Variants in ALK observed in about 807,000 individuals in gnomAD.
ALK encodes the protein ALK tyrosine kinase receptor.
A neutral mutation model predicts 163.1 loss-of-function variants in ALK; 74 were observed. The observed-to-expected ratio is 0.45, with a 90% CI of 0.38 to 0.55. The LOEUF (loss-of-function observed/expected upper bound fraction) is 0.55, where lower values mean the gene tolerates loss of function less well. Ranked by LOEUF, ALK falls within the 20% of genes least tolerant of loss-of-function variation. The pLI is 0.00. For synonymous variants in ALK, 960 were observed against 843.2 expected, an observed-to-expected ratio of 1.14 and a Z score of -2.40; for missense variants, 2,063 against 2,105.3, an observed-to-expected ratio of 0.98 and a Z score of 0.39.
intron 4 of ALK, among the ~76,000 whole-genome samples, chr2:29,490,916 C>A (rs984629332): frequency 6.6e-6 from 1 of 152,104 alleles, no homozygotes; most frequent in African/African-American, 2.4e-5. Context: ...CTATTACTGA[C>A]AAAATCACAC....
intron 3 of ALK, among the ~76,000 whole-genome samples, chr2:29,578,757 C>T (rs1054012908): frequency 3.9e-5 from 6 of 152,216 alleles, no homozygotes; most frequent in East Asian, 1.9e-4. Flanking sequence ...TTCATGTCCA[C>T]GTTTCAGAGT....
chr2:29,916,720 G>C (rs1439556772), intron 1 of ALK, among the ~76,000 whole-genome samples: 1 of 152,170 alleles, frequency 6.6e-6, no homozygotes, highest in Non-Finnish European at 1.5e-5. Context: ...CAGGGAAATA[G>C]GCCTCCTATC....
At chr2:29,744,704 T>A (rs950425106) in intron 1 of ALK, among the ~76,000 whole-genome samples, 2 of 152,226 alleles carry the variant, frequency 1.3e-5, no homozygotes, top group Non-Finnish European at 2.9e-5. Flanking sequence ...GAGCTGATGC[T>A]GACTCTTGGC....
chr2:29,528,442 G>A (rs961807294), intron 4 of ALK, among the ~76,000 whole-genome samples: 2 of 152,214 alleles, frequency 1.3e-5, no homozygotes, highest in Non-Finnish European at 2.9e-5. Flanking sequence ...GGCTGCTTCT[G>A]CTGGATCTGC....
At chr2:29,854,066 C>A (rs998680638) in intron 1 of ALK, among the ~76,000 whole-genome samples, 6 of 151,960 alleles carry the variant, frequency 3.9e-5, no homozygotes, top group African/African-American at 1.2e-4. Flanking sequence ...TGAGCCACCG[C>A]ACCCGGCCGG....
intron 3 of ALK, among the ~76,000 whole-genome samples, chr2:29,588,996 G>A (rs1674970360): frequency 6.6e-6 from 1 of 152,114 alleles, no homozygotes; most frequent in Non-Finnish European, 1.5e-5. Flanking sequence ...TGCATACATT[G>A]GGTATCATCA....
chr2:29,391,156 T>A (rs1669159404), intron 4 of ALK, among the ~76,000 whole-genome samples: 1 of 152,120 alleles, frequency 6.6e-6, no homozygotes. Flanking sequence ...AGATGTTATG[T>A]GGGTGACGGG....
Position 29,228,963 on chromosome 2 carries a change from C to T in ALK, c.2736G>A (p.Lys912=), listed in dbSNP as rs1489025810. Residue 912 remains lysine, a synonymous_variant, in exon 16 of 29, where the codon AAG becomes AAA. Coordinates refer to ENST00000389048, the MANE Select transcript of ALK (RefSeq NM_004304.5). ...GGHSCPQAMK[K]WGWETRGGFG... Reference sequence around the variant, plus strand: ...AACCCCCTCTTGTCTCCCACCCCCACTTCTTCATGGCCTGGGGGCAGGAAT... The same window carrying T: ...AACCCCCTCTTGTCTCCCACCCCCATTTCTTCATGGCCTGGGGGCAGGAAT... The T allele has an allele frequency of 1.2e-6, 2 of 1,601,662 alleles. No homozygotes were observed. The highest frequency in any genetic ancestry group is 3.3e-5 in the Admixed American group (2 of 59,850).
intron 1 of ALK, among the ~76,000 whole-genome samples, chr2:29,889,143 T>G (rs1667067623): frequency 6.6e-6 from 1 of 152,150 alleles, no homozygotes; most frequent in South Asian, 2.1e-4. Context: ...TCTTAAAAAG[T>G]TCTGTCTTTT....
rs150201282 is a variant in ALK at position 29,661,558 on chromosome 2, A to C, written c.952+33292T>G. Reference sequence around the variant, plus strand: ...ATAACATGATTGTTTAGGTCTTAACAGGTGATGTTCTAAGACCTGTCATAT... The same window carrying C: ...ATAACATGATTGTTTAGGTCTTAACCGGTGATGTTCTAAGACCTGTCATAT... On this transcript the variant is annotated intron_variant, in intron 3 of 28. Coordinates refer to ENST00000389048, the MANE Select transcript of ALK (RefSeq NM_004304.5). Among the ~76,000 whole-genome samples, 62 of 152,370 alleles carry C rather than the reference A, an allele frequency of 4.1e-4. No individual in the cohort carries two copies. In the East Asian group the frequency reaches 0.012, roughly 28 times the overall value.
At chr2:29,275,590 C>T (rs945080747) in intron 9 of ALK, 94 bp from the exon 10 acceptor site, 2 of 1,324,144 alleles carry the variant, frequency 1.5e-6, no homozygotes, top group Non-Finnish European at 2.2e-6. Context: ...TCACCTGGCT[C>T]AGAATGTGAG....
intron 9 of ALK, among the ~76,000 whole-genome samples, chr2:29,295,435 A>G (rs1379394321): frequency 5.9e-5 from 9 of 152,066 alleles, no homozygotes; most frequent in Admixed American, 5.9e-4. Flanking sequence ...CAGCTCCACA[A>G]TCCCCAAAGA....
At chr2:29,836,351 T>C (rs1403485332) in intron 1 of ALK, among the ~76,000 whole-genome samples, 1 of 152,174 alleles carries the variant, frequency 6.6e-6, no homozygotes, top group South Asian at 2.1e-4. Context: ...TACCCGGCCA[T>C]TGAAAGTAGA....
chr2:29,627,642 G>A (rs937747415), intron 3 of ALK, among the ~76,000 whole-genome samples: 1 of 152,222 alleles, frequency 6.6e-6, no homozygotes, highest in African/African-American at 2.4e-5. Context: ...GTTACAACAG[G>A]AAGATGTCCC....
intron 1 of ALK, among the ~76,000 whole-genome samples, chr2:29,762,524 A>G (rs1558477117): frequency 6.6e-6 from 1 of 152,202 alleles, no homozygotes; most frequent in Non-Finnish European, 1.5e-5. Context: ...ACAAGAGGAA[A>G]TCATTATACC....
chr2:29,532,227 C>T, intron 3 of ALK, 111 bp from the exon 4 acceptor site: 1 of 999,436 alleles, frequency 1.0e-6, no homozygotes, highest in Non-Finnish European at 1.5e-6. Context: ...TACTGGAGGC[C>T]ATTATCTCCT....
At chr2:29,710,390 ATC>A (rs1383495309) in intron 2 of ALK, among the ~76,000 whole-genome samples, 1 of 151,608 alleles carries the variant, frequency 6.6e-6, no homozygotes, top group East Asian at 1.9e-4. Flanking sequence ...CCATTTCTTC[ATC>A]TCTCTGTTTC....
At chr2:29,665,054 G>A (rs914387581) in intron 3 of ALK, among the ~76,000 whole-genome samples, 3 of 143,998 alleles carry the variant, frequency 2.1e-5, no homozygotes, top group Admixed American at 1.4e-4. Flanking sequence ...AGACTGGAGT[G>A]CAGTGGCACC....
At chr2:29,760,670 G>C (rs1001762699) in intron 1 of ALK, among the ~76,000 whole-genome samples, 3 of 152,188 alleles carry the variant, frequency 2.0e-5, no homozygotes, top group African/African-American at 7.2e-5. Context: ...TGTCTGACTG[G>C]CAGGGTCTTT....
Sources: gnomAD v4.1 joint callset for allele counts (sites outside exome capture counted in the v4.1 genomes callset) on GRCh38, gnomAD v4.1.1 for gene constraint, MANE v1.5 for transcripts, NCBI Gene and HGNC (gene_info 2026-07-23, HGNC 2026-07-21) for gene names.